Variants in DOCK3 observed in about 807,000 individuals in gnomAD.
The protein encoded by DOCK3 is dedicator of cytokinesis protein 3.
DOCK3 carries 60 observed loss-of-function variants against 265.6 expected under a neutral mutation model. The ratio of observed to expected loss-of-function variants is 0.23; its 90% CI spans 0.18 to 0.28. DOCK3 has a LOEUF of 0.28. Among genes scored for constraint, DOCK3 ranks in the 10% least tolerant of loss-of-function variants. The pLI is 1.00. For missense variants in DOCK3, 1,981 were observed against 2,594.3 expected (o/e 0.76, Z 5.14); for synonymous variants, 881 against 938.0 (o/e 0.94, Z 1.11).
chr3:51,307,878 G>GTTTTTTTTTTTTTTTTTTTT lies in DOCK3; in HGVS notation c.2923-2354_2923-2353insTTTTTTTTTTTTTTTTTTTT, dbSNP rs1197872774. Among the ~76,000 whole-genome samples the GTTTTTTTTTTTTTTTTTTTT allele has an allele frequency of 4.8e-5, 2 of 42,022 alleles. 1 individual carries two copies. Among genetic ancestry groups the GTTTTTTTTTTTTTTTTTTTT allele is most frequent in the Non-Finnish European group, 1.1e-4 (2 of 18,236 alleles). 27.6% of individuals were successfully genotyped at this position (42,022 alleles called of 152,430 possible). On this transcript the variant is annotated intron_variant, in intron 27 of 52. Coordinates refer to ENST00000266037, the MANE Select transcript of DOCK3 (RefSeq NM_004947.5). ...TGCAGCTGGGATGTTAAATTATATG[G>GTTTTTTTTTTTTTTTTTTTT]GTTTTTTTTTTTGTTTTTTTTTTCT...
chr3:51,057,275 A>G (rs1040814600), intron 5 of DOCK3, among the ~76,000 whole-genome samples: 2 of 152,206 alleles, frequency 1.3e-5, no homozygotes, highest in African/African-American at 4.8e-5. Flanking sequence ...TAGTTTAATC[A>G]TTCTAAATTT....
At chr3:51,225,102 A>G (rs948441296) in intron 14 of DOCK3, among the ~76,000 whole-genome samples, 3 of 152,132 alleles carry the variant, frequency 2.0e-5, no homozygotes, top group African/African-American at 7.2e-5. Flanking sequence ...AGTGACCTCT[A>G]CCTGTCACTC....
At chr3:51,203,499 T>G (rs1454259563) in intron 12 of DOCK3, among the ~76,000 whole-genome samples, 1 of 152,106 alleles carries the variant, frequency 6.6e-6, no homozygotes, top group Non-Finnish European at 1.5e-5. Context: ...AAACCACTGC[T>G]CAGTGAAATT....
intron 39 of DOCK3, among the ~76,000 whole-genome samples, chr3:51,349,711 C>T (rs1379839115): frequency 6.6e-6 from 1 of 152,200 alleles, no homozygotes; most frequent in Non-Finnish European, 1.5e-5. Flanking sequence ...TGCTAGACAT[C>T]ATGGATATTA....
chr3:50,914,717 G>A (rs189018337), intron 4 of DOCK3, among the ~76,000 whole-genome samples: 1 of 152,234 alleles, frequency 6.6e-6, no homozygotes, highest in East Asian at 1.9e-4. Context: ...TTAATGTAAT[G>A]TGTAGTTTAA....
rs1330592050 is a variant in DOCK3, at chr3:51,312,743, T to A, written c.3195-101T>A. ...CAAAGGCTTAGCGCATTGGGAAGCA[T>A]TAGAAACAAACAGTGCTGAAGTCCT... On this transcript the variant is annotated intron_variant, in intron 30 of 52. Coordinates refer to ENST00000266037, the MANE Select transcript of DOCK3 (RefSeq NM_004947.5). 7 of 1,356,338 alleles carry A rather than the reference T, an allele frequency of 5.2e-6. No individual in the cohort carries two copies. In the East Asian group the frequency reaches 1.7e-4, roughly 33 times the overall value. 84.0% of individuals were successfully genotyped at this position (1,356,338 alleles called of 1,614,324 possible). A position where few individuals can be genotyped will look rare whatever the true frequency, so the allele number is the denominator to read the frequency against.
chr3:51,195,533 G>A (rs2088231086), intron 12 of DOCK3, among the ~76,000 whole-genome samples: 3 of 151,998 alleles, frequency 2.0e-5, no homozygotes, highest in Admixed American at 2.0e-4. Flanking sequence ...TCCTGCCACA[G>A]CCTCCCAAGT....
In DOCK3 at chr3:51,016,951, AT is replaced by A. The variant is rs545532448; in HGVS notation, c.316-47496del. The stretch of plus-strand genomic sequence containing the variant: ...ATATATACAATATATGTTATATATA[AT>A]ATATATATTATATATATATAAATAA... On this transcript the variant is annotated intron_variant, in intron 5 of 52. Transcript: ENST00000266037. Among the ~76,000 whole-genome samples, 2 of 26,778 alleles carry A rather than the reference AT, an allele frequency of 7.5e-5. 1 individual carries two copies. Among genetic ancestry groups the A allele is most frequent in the African/African-American group, 4.6e-4 (2 of 4,376 alleles). 17.6% of individuals were successfully genotyped at this position (26,778 alleles called of 152,430 possible). A position where few individuals can be genotyped will look rare whatever the true frequency, so the allele number is the denominator to read the frequency against.
At chr3:50,777,227 G>A (rs1460487631) in intron 1 of DOCK3, among the ~76,000 whole-genome samples, 2 of 151,944 alleles carry the variant, frequency 1.3e-5, no homozygotes, top group Non-Finnish European at 2.9e-5. Flanking sequence ...TTATGTTTTT[G>A]TATGCTTTGT....
intron 27 of DOCK3, among the ~76,000 whole-genome samples, chr3:51,307,256 C>T (rs1302187948): frequency 1.3e-5 from 2 of 152,098 alleles, no homozygotes; most frequent in East Asian, 3.9e-4. Flanking sequence ...GCTTGGATTA[C>T]AGGCATGCAC....
intron 21 of DOCK3, among the ~76,000 whole-genome samples, chr3:51,244,047 C>G (rs999930491): frequency 6.6e-6 from 1 of 152,174 alleles, no homozygotes; most frequent in African/African-American, 2.4e-5. Flanking sequence ...TCTGGCCTAT[C>G]TTTTCCCATT....
intron 22 of DOCK3, among the ~76,000 whole-genome samples, chr3:51,250,802 G>A (rs1445475665): frequency 6.6e-6 from 1 of 152,188 alleles, no homozygotes; most frequent in Non-Finnish European, 1.5e-5. Flanking sequence ...TCCAGACTGA[G>A]GAAACAGAAT....
intron 11 of DOCK3, among the ~76,000 whole-genome samples, chr3:51,159,867 G>A: frequency 6.6e-6 from 1 of 152,178 alleles, no homozygotes; most frequent in East Asian, 1.9e-4. Flanking sequence ...CAACTTTTGG[G>A]GCTATGGTGA....
chr3:51,276,469 G>A (rs754116125), intron 25 of DOCK3: 118 of 982,558 alleles, frequency 1.2e-4, no homozygotes, highest in Non-Finnish European at 1.4e-4. Flanking sequence ...GTGACGGTTT[G>A]GTTGTGTTTG....
intron 4 of DOCK3, among the ~76,000 whole-genome samples, chr3:50,916,626 G>T (rs2050141774): frequency 6.6e-6 from 1 of 151,952 alleles, no homozygotes; most frequent in Non-Finnish European, 1.5e-5. Flanking sequence ...GACCATCCTG[G>T]TGAAACCCCG....
At chr3:50,782,884 T>C (rs922179580) in intron 2 of DOCK3, among the ~76,000 whole-genome samples, 4 of 151,906 alleles carry the variant, frequency 2.6e-5, no homozygotes, top group South Asian at 2.1e-4. Flanking sequence ...TGAGAACATA[T>C]GATGTTTGGT....
intron 1 of DOCK3, among the ~76,000 whole-genome samples, chr3:50,768,406 C>T (rs574105386): frequency 3.9e-4 from 59 of 152,146 alleles, no homozygotes; most frequent in African/African-American, 1.3e-3. Flanking sequence ...TGATGAACAT[C>T]GATGCAAAAA....
At chr3:51,098,626 G>A (rs181620218) in intron 9 of DOCK3, among the ~76,000 whole-genome samples, 3 of 152,320 alleles carry the variant, frequency 2.0e-5, no homozygotes, top group East Asian at 1.9e-4. Flanking sequence ...ATGTAATGCA[G>A]CTAGAGCTTA....
chr3:51,117,541 A>C (rs2083794254), intron 9 of DOCK3, among the ~76,000 whole-genome samples: 1 of 152,210 alleles, frequency 6.6e-6, no homozygotes, highest in African/African-American at 2.4e-5. Context: ...AAGGAATGGT[A>C]GCAGCTCCTC....
Sources: allele counts gnomAD v4.1 joint callset (sites outside exome capture counted in the v4.1 genomes callset), GRCh38; gene constraint gnomAD v4.1.1; transcripts MANE v1.5; gene names NCBI Gene and HGNC (gene_info 2026-07-23, HGNC 2026-07-21).